The following SPOCK1 variants were observed in gnomAD, a reference collection of about 807,000 sequenced individuals.
The protein encoded by SPOCK1 is testican-1.
In SPOCK1, 23 loss-of-function variants were observed where a neutral mutation model predicts 55.3. The observed-to-expected ratio is 0.42, with a 90% CI of 0.30 to 0.59. The LOEUF (loss-of-function observed/expected upper bound fraction) is 0.59. SPOCK1 is among the 20% of genes least tolerant of loss of function. SPOCK1 has a pLI of 0.22. For missense variants in SPOCK1, 499 were observed against 552.5 expected (o/e 0.90, Z 0.97); for synonymous variants, 226 against 221.0 (o/e 1.02, Z -0.20).
At chr5:137,229,862 A>G (rs1364753189) in intron 3 of SPOCK1, among the ~76,000 whole-genome samples, 1 of 152,184 alleles carries the variant, frequency 6.6e-6, no homozygotes, top group African/African-American at 2.4e-5. Context: ...TCGTACTCCT[A>G]TGAGAATCTA....
intron 2 of SPOCK1, among the ~76,000 whole-genome samples, chr5:137,340,880 C>CAA (rs553671622): frequency 7.4e-5 from 7 of 94,966 alleles, no homozygotes; most frequent in East Asian, 3.2e-4. Context: ...GATTCCATCT[C>CAA]AAAAAAAAAA....
intron 2 of SPOCK1, among the ~76,000 whole-genome samples, chr5:137,471,097 T>C (rs926752419): frequency 6.6e-6 from 1 of 152,350 alleles, no homozygotes; most frequent in Middle Eastern, 3.4e-3. Flanking sequence ...AACGTTGGCA[T>C]TATTGATCAA....
chr5:137,431,574 G>A (rs535757281), intron 2 of SPOCK1, among the ~76,000 whole-genome samples: 1 of 152,314 alleles, frequency 6.6e-6, no homozygotes, highest in African/African-American at 2.4e-5. Context: ...GAGTGTTTGG[G>A]TCATGAGGGT....
intron 3 of SPOCK1, among the ~76,000 whole-genome samples, chr5:137,226,258 G>A (rs939315328): frequency 1.3e-5 from 2 of 152,176 alleles, no homozygotes; most frequent in East Asian, 3.8e-4. Context: ...TGAAGAAAAC[G>A]ATGGCAGACA....
intron 2 of SPOCK1, among the ~76,000 whole-genome samples, chr5:137,434,490 T>C (rs982085797): frequency 7.5e-5 from 9 of 119,342 alleles, no homozygotes; most frequent in South Asian, 3.2e-4. Context: ...CTTTTTTTTT[T>C]TTTTTTTTTT....
At chr5:137,445,774 A>G (rs1753114051) in intron 2 of SPOCK1, among the ~76,000 whole-genome samples, 1 of 152,200 alleles carries the variant, frequency 6.6e-6, no homozygotes, top group African/African-American at 2.4e-5. Context: ...GACTTCAGAC[A>G]TGGTCTGAAG....
chr5:137,216,133 G>T (rs79548015), intron 3 of SPOCK1, among the ~76,000 whole-genome samples: 1 of 152,166 alleles, frequency 6.6e-6, no homozygotes, highest in Non-Finnish European at 1.5e-5. Flanking sequence ...GCAGGGAAAG[G>T]GGGCACTGAG....
chr5:137,036,276 C>CTCTG (rs1224971873), intron 6 of SPOCK1, among the ~76,000 whole-genome samples: 1 of 118,202 alleles, frequency 8.5e-6, no homozygotes, highest in Non-Finnish European at 1.8e-5. Context: ...TTCTGGATTT[C>CTCTG]TCTGCCTTGC....
chr5:137,207,249 C>A (rs1317703121), intron 3 of SPOCK1, among the ~76,000 whole-genome samples: 1 of 152,218 alleles, frequency 6.6e-6, no homozygotes. Context: ...ACTGACAACC[C>A]CAGCTGCCCA....
chr5:137,178,353 A>G lies in SPOCK1; in HGVS notation c.233-37659T>C, dbSNP rs566122312. Among the ~76,000 whole-genome samples, 147 of 152,354 alleles carry G rather than the reference A, an allele frequency of 9.6e-4. 1 individual carries two copies. Among genetic ancestry groups the G allele is most frequent in the South Asian group, 3.9e-3 (19 of 4,832 alleles). ...CCCAACAATTCCAGTTCTCAGTTAC[A>G]TGAGTAGCACTGTTGGGGCAGCACC... is the stretch of plus-strand genomic sequence containing the variant. On this transcript the variant is annotated intron_variant, in intron 3 of 10. Transcript: ENST00000394945.
At position 137,264,799 on chromosome 5, in the gene SPOCK1, T is replaced by C. The variant is rs534200363; in HGVS notation, c.232+2211A>G. Among the ~76,000 whole-genome samples, 3 of 152,264 alleles carry C rather than the reference T, an allele frequency of 2.0e-5. No individual in the cohort carries two copies. In the East Asian group the frequency reaches 5.8e-4, roughly 29 times the overall value. ...CTGACAGAGTAACCTCCCATTTTTA[T>C]TGAGCCGCACACAATGTAATTGATG... On this transcript the variant is annotated intron_variant, in intron 3 of 10. Transcript: ENST00000394945.
intron 2 of SPOCK1, among the ~76,000 whole-genome samples, chr5:137,349,109 A>G (rs1750623955): frequency 6.6e-6 from 1 of 152,232 alleles, no homozygotes; most frequent in Non-Finnish European, 1.5e-5. Flanking sequence ...ATTGAAAGGC[A>G]GGCAAGCTGC....
chr5:137,038,220 G>A (rs1052945409), intron 6 of SPOCK1, among the ~76,000 whole-genome samples: 2 of 152,208 alleles, frequency 1.3e-5, no homozygotes, highest in Non-Finnish European at 2.9e-5. Flanking sequence ...TGAGACTCAT[G>A]AAAGACCTTA....
intron 6 of SPOCK1, among the ~76,000 whole-genome samples, chr5:137,015,141 CT>C (rs1007170437): frequency 6.6e-6 from 1 of 152,066 alleles, no homozygotes; most frequent in African/African-American, 2.4e-5. Flanking sequence ...AATTGGTCTG[CT>C]TTTTAAAGAA....
chr5:137,404,258 C>T (rs539417182), intron 2 of SPOCK1, among the ~76,000 whole-genome samples: 6 of 152,318 alleles, frequency 3.9e-5, no homozygotes, highest in African/African-American at 7.2e-5. Flanking sequence ...GCAGCTGCTA[C>T]GACAGCCAAC....
intron 2 of SPOCK1, among the ~76,000 whole-genome samples, chr5:137,316,031 A>C (rs1757875175): frequency 6.6e-6 from 1 of 152,174 alleles, no homozygotes. Flanking sequence ...ATGACAAAAT[A>C]CCTGAGACTT....
intron 2 of SPOCK1, among the ~76,000 whole-genome samples, chr5:137,449,376 CAGTT>C (rs1245479855): frequency 6.6e-6 from 1 of 152,210 alleles, no homozygotes; most frequent in African/African-American, 2.4e-5. Flanking sequence ...ATAAAATAAC[CAGTT>C]AGTTTCCTCA....
At chr5:137,096,246 A>C (rs1331179381) in intron 5 of SPOCK1, among the ~76,000 whole-genome samples, 2 of 151,264 alleles carry the variant, frequency 1.3e-5, no homozygotes, top group African/African-American at 2.4e-5. Context: ...ATAGCTGGGC[A>C]CTCCACTCTT....
At chr5:137,268,120 G>A (rs1756892638) in intron 2 of SPOCK1, among the ~76,000 whole-genome samples, 1 of 152,180 alleles carries the variant, frequency 6.6e-6, no homozygotes, top group Non-Finnish European at 1.5e-5. Flanking sequence ...GTTTATCTCT[G>A]ACACGATCTC....
Sources: allele counts gnomAD v4.1 joint callset (sites outside exome capture counted in the v4.1 genomes callset), GRCh38; gene constraint gnomAD v4.1.1; transcripts MANE v1.5; gene names NCBI Gene and HGNC (gene_info 2026-07-23, HGNC 2026-07-21).